Variants in SH3GL2 observed in about 807,000 individuals in gnomAD.
SH3GL2 encodes the protein endophilin-A1.
A neutral mutation model predicts 46.0 loss-of-function variants in SH3GL2; 24 were observed. That is an observed-to-expected ratio of 0.52 (90% CI 0.38 to 0.73). The LOEUF (loss-of-function observed/expected upper bound fraction) is 0.73, where lower values mean the gene tolerates loss of function less well. Among genes scored for constraint, SH3GL2 ranks in the 30% least tolerant of loss-of-function variants. The probability of loss-of-function intolerance (pLI) is 0.00; values close to 1 mark genes in which losing one functional copy is unlikely to be tolerated. For synonymous variants in SH3GL2, 196 were observed against 147.1 expected (o/e 1.33, Z -2.40); for missense variants, 413 against 424.2 (o/e 0.97, Z 0.23).
In SH3GL2 at chr9:17,756,529, A is replaced by C. The variant is rs528933110; in HGVS notation, c.115-4908A>C. Among the ~76,000 whole-genome samples the C allele has an allele frequency of 1.2e-3, 162 of 134,512 alleles. 1 individual carries two copies. The South Asian group carries it at 0.016, about 13-fold the overall frequency. The allele number at this position is 134,512 out of a possible 152,430, so 88.2% of individuals were successfully genotyped here. A position where few individuals can be genotyped will look rare whatever the true frequency, so the allele number is the denominator to read the frequency against. On this transcript the variant is annotated intron_variant, in intron 2 of 8. Transcript: ENST00000380607. ...TGTGATGTTCCCCTTCCTGTGTCCAAGTGTTCTCATTGTTCATTTCCCACC... is the reference window on the plus strand; with the variant it reads ...TGTGATGTTCCCCTTCCTGTGTCCACGTGTTCTCATTGTTCATTTCCCACC...
intron 1 of SH3GL2, among the ~76,000 whole-genome samples, chr9:17,696,092 C>T (rs1238342882): frequency 2.0e-5 from 3 of 152,102 alleles, no homozygotes; most frequent in Non-Finnish European, 2.9e-5. Context: ...TCAGTGAAGG[C>T]CCTCTGTAAT....
At chr9:17,698,520 G>C (rs1415511796) in intron 1 of SH3GL2, among the ~76,000 whole-genome samples, 1 of 152,110 alleles carries the variant, frequency 6.6e-6, no homozygotes, top group Non-Finnish European at 1.5e-5. Flanking sequence ...GGATGGTTCT[G>C]AATTCTAGGT....
chr9:17,620,615 CT>C (rs1347549797), intron 1 of SH3GL2, among the ~76,000 whole-genome samples: 1 of 152,164 alleles, frequency 6.6e-6, no homozygotes, highest in African/African-American at 2.4e-5. Context: ...AAACTGGTGG[CT>C]TTTGCCACCA....
chr9:17,702,873 C>G (rs553925872), intron 1 of SH3GL2, among the ~76,000 whole-genome samples: 16 of 152,098 alleles, frequency 1.1e-4, no homozygotes, highest in African/African-American at 3.9e-4. Context: ...ATGCTTCCCC[C>G]TTTCAGTGTT....
In SH3GL2 at chr9:17,631,378, A is replaced by G. The variant is rs1819418013; in HGVS notation, c.45+52091A>G. Among the ~76,000 whole-genome samples the G allele has an allele frequency of 2.6e-5, 4 of 152,338 alleles. No individual in the cohort carries two copies. The South Asian group carries it at 8.3e-4, about 32-fold the overall frequency. On this transcript the variant is annotated intron_variant, in intron 1 of 8. Transcript: ENST00000380607. The stretch of plus-strand genomic sequence containing the variant: ...TTCTGACATCCCCTCTTGCTCAGGC[A>G]TAGGGCATATTTGGTGAACCTTGGC...
chr9:17,793,240 G>T (rs531491813), intron 7 of SH3GL2, 127 bp from the exon 8 acceptor site: 4 of 825,372 alleles, frequency 4.8e-6, no homozygotes, highest in African/African-American at 1.8e-5. Flanking sequence ...GTCCTTTTTT[G>T]ATTTCCCACA....
chr9:17,703,553 A>G (rs1230113327), intron 1 of SH3GL2, among the ~76,000 whole-genome samples: 4 of 152,094 alleles, frequency 2.6e-5, no homozygotes, highest in African/African-American at 7.2e-5. Flanking sequence ...AAAAATCCTC[A>G]GGAAAATACT....
chr9:17,674,689 G>A lies in SH3GL2; in HGVS notation c.46-72377G>A, dbSNP rs4601433. ...CTCATGGGTCCTCATTCATCTGGTC[G>A]CCCAGCTGAAGGTAGAAGGTCTAGA... On this transcript the variant is annotated intron_variant, in intron 1 of 8. Coordinates refer to ENST00000380607, the MANE Select transcript of SH3GL2 (RefSeq NM_003026.5). 3.6e-3 allele frequency among the ~76,000 whole-genome samples: 548 copies of A among 152,060 alleles called. 11 individuals carry two copies. In the East Asian group the frequency reaches 0.061, roughly 17 times the overall value.
At chr9:17,740,485 T>C (rs1313113020) in intron 1 of SH3GL2, among the ~76,000 whole-genome samples, 2 of 152,114 alleles carry the variant, frequency 1.3e-5, no homozygotes, top group African/African-American at 4.8e-5. Context: ...TGTATTGTAT[T>C]GTATTGTATT....
chr9:17,786,436 G>T lies in SH3GL2; in HGVS notation c.243G>T (p.Glu81Asp). The change falls in exon 4 of 9, where the codon GAG becomes GAT. Residue 81 changes from glutamate (E) to aspartate (D), a missense_variant. Glu to Asp is a conservative substitution (Grantham distance 45). Transcript: ENST00000380607. ...INTMSKIRGQ[E>D]KGPGYPQAEA... ...CCATGTCAAAAATCCGTGGCCAGGAGAAGGGGCCAGGCTATCCTCAGGCAG... is the reference window on the plus strand; with the variant it reads ...CCATGTCAAAAATCCGTGGCCAGGATAAGGGGCCAGGCTATCCTCAGGCAG... 6.2e-7 allele frequency: 1 copy of T among 1,613,516 alleles called. No homozygotes were observed. The highest frequency in any genetic ancestry group is 8.5e-7 in the Non-Finnish European group (1 of 1,179,642).
At chr9:17,630,577 A>C (rs3808743) in intron 1 of SH3GL2, 14,869 of 152,224 alleles carry the variant, frequency 0.098, 819 homozygotes, top group South Asian at 0.12. Flanking sequence ...TAAAAAGCAA[A>C]AGGCACATGC....
intron 1 of SH3GL2, among the ~76,000 whole-genome samples, chr9:17,695,214 A>G (rs960332688): frequency 1.3e-5 from 2 of 152,116 alleles, no homozygotes; most frequent in African/African-American, 4.8e-5. Flanking sequence ...GTAGCATAAG[A>G]TGAAATATCT....
chr9:17,780,121 A>C (rs148585542), intron 3 of SH3GL2, among the ~76,000 whole-genome samples: 11 of 152,320 alleles, frequency 7.2e-5, no homozygotes, highest in Admixed American at 2.6e-4. Context: ...AAAGTACAAC[A>C]CATATATCAT....
At chr9:17,732,080 A>G (rs749750381) in intron 1 of SH3GL2, among the ~76,000 whole-genome samples, 11 of 152,186 alleles carry the variant, frequency 7.2e-5, no homozygotes, top group Non-Finnish European at 1.5e-4. Context: ...TTTAAATGAC[A>G]TGAGTGTTGA....
intron 1 of SH3GL2, chr9:17,735,767 C>T (rs890105445): frequency 1.0e-6 from 1 of 979,968 alleles, no homozygotes; most frequent in African/African-American, 1.7e-5. Context: ...GCAGCTCTTT[C>T]CACACATGGA....
At chr9:17,682,889 A>G (rs1820809806) in intron 1 of SH3GL2, among the ~76,000 whole-genome samples, 2 of 152,042 alleles carry the variant, frequency 1.3e-5, no homozygotes, top group South Asian at 2.1e-4. Context: ...TATTATTGAA[A>G]CCAAAACTGA....
At chr9:17,660,801 T>C (rs1180604112) in intron 1 of SH3GL2, among the ~76,000 whole-genome samples, 2 of 152,200 alleles carry the variant, frequency 1.3e-5, no homozygotes, top group Non-Finnish European at 2.9e-5. Context: ...TAAAAACTTA[T>C]ATCCTAAAAA....
intron 1 of SH3GL2, among the ~76,000 whole-genome samples, chr9:17,616,564 A>C (rs1819004631): frequency 6.6e-6 from 1 of 152,190 alleles, no homozygotes; most frequent in Non-Finnish European, 1.5e-5. Flanking sequence ...TCTGAGAGTC[A>C]GAGGAGGCTA....
chr9:17,656,618 C>T (rs915481930), intron 1 of SH3GL2, among the ~76,000 whole-genome samples: 11 of 151,886 alleles, frequency 7.2e-5, no homozygotes, highest in Admixed American at 5.9e-4. Flanking sequence ...GAAGAAATAA[C>T]TGCCAGTGGT....
Sources: allele counts gnomAD v4.1 joint callset (sites outside exome capture counted in the v4.1 genomes callset), GRCh38; gene constraint gnomAD v4.1.1; transcripts MANE v1.5; gene names NCBI Gene and HGNC (gene_info 2026-07-23, HGNC 2026-07-21).